The following SAMHD1 variants were observed in gnomAD, a reference collection of about 807,000 sequenced individuals.
SAMHD1 encodes the protein deoxynucleoside triphosphate triphosphohydrolase SAMHD1.
A neutral mutation model predicts 79.6 loss-of-function variants in SAMHD1; 54 were observed. The ratio of observed to expected loss-of-function variants is 0.68; its 90% CI spans 0.55 to 0.85. The LOEUF is 0.85. Among genes scored for constraint, SAMHD1 ranks in the 40% least tolerant of loss-of-function variants. The pLI, the probability that SAMHD1 is intolerant of heterozygous loss-of-function variation, is 0.00. For synonymous variants in SAMHD1, 260 were observed against 264.1 expected (o/e 0.98, Z 0.15); for missense variants, 663 against 782.7 (o/e 0.85, Z 1.82).
Position 36,891,994 on chromosome 20 carries a change from C to G in SAMHD1, c.*938G>C, listed in dbSNP as rs1475609367. ...GAGAGCAGGTCAGGGGAGGCCTTCTCCAGGCTGGGCAGTGGGAAGGCCCTC... is the reference window on the plus strand; with the variant it reads ...GAGAGCAGGTCAGGGGAGGCCTTCTGCAGGCTGGGCAGTGGGAAGGCCCTC... On this transcript the variant is annotated 3_prime_UTR_variant, in exon 16 of 16. Coordinates refer to ENST00000646673, the MANE Select transcript of SAMHD1 (RefSeq NM_015474.4). 1 of 152,342 alleles carries G rather than the reference C, an allele frequency of 6.6e-6. No individual in the cohort carries two copies. Among genetic ancestry groups the G allele is most frequent in the African/African-American group, 2.4e-5 (1 of 41,460 alleles). 9.4% of individuals were successfully genotyped at this position (152,342 alleles called of 1,614,324 possible). A position where few individuals can be genotyped will look rare whatever the true frequency, so the allele number is the denominator to read the frequency against.
chr20:36,902,691 T>C (rs1601116905), intron 13 of SAMHD1, among the ~76,000 whole-genome samples: 1 of 152,192 alleles, frequency 6.6e-6, no homozygotes, highest in South Asian at 2.1e-4. Flanking sequence ...AAAAGAGAGT[T>C]GAGGGTAACT....
intron 13 of SAMHD1, among the ~76,000 whole-genome samples, chr20:36,902,936 G>A (rs781255658): frequency 6.6e-5 from 10 of 151,694 alleles, no homozygotes; most frequent in Non-Finnish European, 2.9e-5. Context: ...ATGGGGTTTC[G>A]CCGTGTTGGG....
chr20:36,949,897 G>A (rs2063722065), intron 1 of SAMHD1, among the ~76,000 whole-genome samples: 2 of 151,982 alleles, frequency 1.3e-5, no homozygotes, highest in South Asian at 4.1e-4. Context: ...TAGCCCAACA[G>A]GACAGCATCC....
intron 2 of SAMHD1, 91 bp downstream of exon 2, chr20:36,946,646 AG>A: frequency 2.2e-6 from 2 of 902,804 alleles, no homozygotes; most frequent in South Asian, 2.9e-5. Flanking sequence ...ATTTAAAATG[AG>A]GACAGTTTAT....
chr20:36,936,288 T>C (rs2063603191), intron 3 of SAMHD1, among the ~76,000 whole-genome samples: 1 of 151,872 alleles, frequency 6.6e-6, no homozygotes, highest in African/African-American at 2.4e-5. Flanking sequence ...AGCTGAACAA[T>C]GTGTTTATGT....
chr20:36,925,609 C>T (rs1419604403), intron 6 of SAMHD1, among the ~76,000 whole-genome samples: 1 of 152,172 alleles, frequency 6.6e-6, no homozygotes, highest in Non-Finnish European at 1.5e-5. Context: ...ATATACCTAA[C>T]CATATATATA....
chr20:36,915,926 G>C (rs1343495588), intron 9 of SAMHD1, among the ~76,000 whole-genome samples: 1 of 152,024 alleles, frequency 6.6e-6, no homozygotes. Flanking sequence ...TTGGGAGGCC[G>C]AGGCGGGCAG....
intron 3 of SAMHD1, among the ~76,000 whole-genome samples, chr20:36,937,360 A>C (rs1298883626): frequency 6.6e-6 from 1 of 151,948 alleles, no homozygotes; most frequent in Admixed American, 6.6e-5. Flanking sequence ...ACAAATGAAC[A>C]AAAAAAATAT....
rs1555830170 is a variant in SAMHD1 at position 36,890,418 on chromosome 20, C to CTTTCTTTCT, written c.*2513_*2514insAGAAAGAAA. The CTTTCTTTCT allele has an allele frequency of 5.6e-4, 10 of 17,802 alleles. No homozygotes were observed. Among genetic ancestry groups the CTTTCTTTCT allele is most frequent in the Admixed American group, 3.6e-3 (6 of 1,654 alleles). 1.1% of individuals were successfully genotyped at this position (17,802 alleles called of 1,614,324 possible). ...TTTCTCTTTCTTTCTTTCTTTCTTTCTTTTCTTTCTCTCTTTCCTTCCTTC... is the reference window on the plus strand; with the variant it reads ...TTTCTCTTTCTTTCTTTCTTTCTTTCTTTCTTTCTTTTTCTTTCTCTCTTTCCTTCCTTC... On this transcript the variant is annotated 3_prime_UTR_variant, in exon 16 of 16. Transcript: ENST00000646673.
chr20:36,908,265 C>G (rs1178609580), intron 11 of SAMHD1, among the ~76,000 whole-genome samples: 1 of 151,882 alleles, frequency 6.6e-6, no homozygotes. Flanking sequence ...TTATTTGATA[C>G]AGGGTCTCGC....
chr20:36,910,195 C>T (rs1178023302), intron 11 of SAMHD1, among the ~76,000 whole-genome samples: 1 of 150,386 alleles, frequency 6.6e-6, no homozygotes, highest in Admixed American at 6.7e-5. Context: ...TGCACTCCAG[C>T]CTGGGCGACA....
intron 1 of SAMHD1, among the ~76,000 whole-genome samples, chr20:36,951,148 G>A (rs1006813295): frequency 3.3e-5 from 5 of 152,202 alleles, no homozygotes; most frequent in South Asian, 2.1e-4. Context: ...CCCATCCTAC[G>A]AATCGCCTAT....
intron 11 of SAMHD1, among the ~76,000 whole-genome samples, chr20:36,908,244 CATTATT>C (rs10551700): frequency 0.17 from 25,432 of 151,578 alleles, 2,499 homozygotes; most frequent in Middle Eastern, 0.24. Context: ...TTTTCTCTAT[CATTATT>C]ATTATTATTT....
chr20:36,951,639 T>C lies in SAMHD1; in HGVS notation c.5A>G (p.Gln2Arg), dbSNP rs1174070609. Residue 2 changes from glutamine to arginine, a missense_variant, in exon 1 of 16, where the codon CAG (glutamine) becomes CGG (arginine). Coordinates refer to ENST00000646673, the MANE Select transcript of SAMHD1 (RefSeq NM_015474.4). The stretch of plus-strand genomic sequence containing the variant: ...GGAGGGCTGCTCGGAATCGGCTCGC[T>C]GCATGGCTACACCTGGCGTCCGGCA... M[Q>R]RADSEQPSKR... 5.6e-6 allele frequency: 9 copies of C among 1,613,374 alleles called. No individual in the cohort carries two copies. The highest frequency in any genetic ancestry group is 1.1e-5 in the South Asian group (1 of 91,072).
In SAMHD1 at chr20:36,892,653, G is replaced by C. The variant is rs1332541022; in HGVS notation, c.*279C>G. ...TAAAAAAGAAAAAAAATAGAGTTCAGAATAGATAAAAGAGTTGTTATTCTA... is the reference window on the plus strand; with the variant it reads ...TAAAAAAGAAAAAAAATAGAGTTCACAATAGATAAAAGAGTTGTTATTCTA... On this transcript the variant is annotated 3_prime_UTR_variant, in exon 16 of 16. Transcript: ENST00000646673. The C allele has an allele frequency of 8.6e-6, 4 of 467,596 alleles. No homozygotes were observed. The highest frequency in any genetic ancestry group is 3.4e-5 in the Admixed American group (1 of 29,556). The allele number at this position is 467,596 out of a possible 1,614,324, so 29.0% of individuals were successfully genotyped here.
Position 36,951,403 on chromosome 20 carries a change from C to A in SAMHD1, c.208+33G>T, listed in dbSNP as rs371415707. Reference sequence around the variant, plus strand: ...GCCTGGCCCGCGCCCCAGGTCGCCGCCCTTCGCCCCTCAGCCCCTCCGGAG... The same window carrying A: ...GCCTGGCCCGCGCCCCAGGTCGCCGACCTTCGCCCCTCAGCCCCTCCGGAG... On this transcript the variant is annotated intron_variant, in intron 1 of 15. Transcript: ENST00000646673. 1.7e-4 allele frequency: 269 copies of A among 1,611,458 alleles called. 1 individual carries two copies. Among genetic ancestry groups the A allele is most frequent in the South Asian group, 5.5e-4 (50 of 91,062 alleles).
downstream of SAMHD1, chr20:36,889,927 G>T (rs1372274155): frequency 6.6e-6 from 1 of 152,190 alleles, no homozygotes; most frequent in Non-Finnish European, 1.5e-5. Flanking sequence ...GTGTGTGTGT[G>T]TGTATACTTA....
chr20:36,940,881 G>C (rs968949289), intron 3 of SAMHD1, 158 bp downstream of exon 3: 1 of 653,758 alleles, frequency 1.5e-6, no homozygotes, highest in Non-Finnish European at 2.7e-6. Flanking sequence ...AATACTCTGT[G>C]CTCATTTTAG....
intron 15 of SAMHD1, 131 bp from the exon 16 acceptor site, chr20:36,893,197 G>A: frequency 8.8e-7 from 1 of 1,132,620 alleles, no homozygotes; most frequent in Non-Finnish European, 1.3e-6. Flanking sequence ...CTCAATCCAG[G>A]GAAACTCCAA....
Sources: gnomAD v4.1 joint callset for allele counts (sites outside exome capture counted in the v4.1 genomes callset) on GRCh38, gnomAD v4.1.1 for gene constraint, MANE v1.5 for transcripts, NCBI Gene and HGNC (gene_info 2026-07-23, HGNC 2026-07-21) for gene names.